Variants in GET1 observed in about 807,000 individuals in gnomAD.
GET1 encodes the protein guided entry of tail-anchored proteins factor 1.
Under a neutral mutation model 22.6 loss-of-function variants are expected in GET1, and 20 were observed. The observed-to-expected ratio is 0.89, with a 90% CI of 0.62 to 1.29. The LOEUF is 1.29. Ranked by LOEUF, GET1 falls within the 50% of genes most tolerant of loss-of-function variation. The probability of loss-of-function intolerance (pLI) is 0.00; values close to 1 mark genes in which losing one functional copy is unlikely to be tolerated. For missense variants in GET1, 209 were observed against 219.9 expected, an observed-to-expected ratio of 0.95 and a Z score of 0.31; for synonymous variants, 92 against 83.8, an observed-to-expected ratio of 1.10 and a Z score of -0.53.
At chr21:39,415,801 TG>T in intron 1 of GET1, among the ~76,000 whole-genome samples, 1 of 152,352 alleles carries the variant, frequency 6.6e-6, no homozygotes, top group Middle Eastern at 3.4e-3. Context: ...ATCGTAGAAA[TG>T]GGGGTATCTG....
chr21:39,420,357 A>G (rs2042074143), intron 1 of GET1, among the ~76,000 whole-genome samples: 1 of 152,070 alleles, frequency 6.6e-6, no homozygotes, highest in Non-Finnish European at 1.5e-5. Context: ...GCCCGTCTCT[A>G]CTAAAAATAA....
chr21:39,408,516 C>T (rs1319170818), downstream of GET1: 3 of 152,356 alleles, frequency 2.0e-5, no homozygotes, highest in South Asian at 2.1e-4. Flanking sequence ...CTCCATTAGA[C>T]CTCCAGGTCC....
chr21:39,398,089 A>G (rs899316622), downstream of GET1, among the ~76,000 whole-genome samples: 2 of 152,170 alleles, frequency 1.3e-5, no homozygotes, highest in African/African-American at 2.4e-5. Flanking sequence ...CACCAAGTTT[A>G]CTTAGCTTTA....
chr21:39,410,371 T>C (rs200052972), downstream of GET1: 142 of 1,500,180 alleles, frequency 9.5e-5, no homozygotes, highest in African/African-American at 1.8e-3. Flanking sequence ...GAAGAAACTA[T>C]GGAACAGGTA....
At chr21:39,412,600 G>GCGCA (rs377607164) in intron 1 of GET1, among the ~76,000 whole-genome samples, 2 of 149,518 alleles carry the variant, frequency 1.3e-5, no homozygotes, top group African/African-American at 4.9e-5. Context: ...ACGTGCATGT[G>GCGCA]CACACACACA....
chr21:39,415,617 A>G (rs2040994757), intron 1 of GET1, among the ~76,000 whole-genome samples: 1 of 152,212 alleles, frequency 6.6e-6, no homozygotes, highest in African/African-American at 2.4e-5. Flanking sequence ...CCTTCACATA[A>G]TCAAATATCC....
intron 2 of GET1, chr21:39,391,530 G>T: frequency 3.3e-5 from 14 of 427,082 alleles, no homozygotes; most frequent in East Asian, 1.5e-4. Flanking sequence ...GTCGTTTTAA[G>T]AGTTTTCAAA....
At chr21:39,427,553 T>A (rs2074960521) in intron 1 of GET1, among the ~76,000 whole-genome samples, 1 of 151,394 alleles carries the variant, frequency 6.6e-6, no homozygotes, top group Non-Finnish European at 1.5e-5. Flanking sequence ...TCCCAGCTAC[T>A]CAGGAGGCTG....
intron 1 of GET1, among the ~76,000 whole-genome samples, chr21:39,382,446 A>G (rs1305479062): frequency 6.6e-6 from 1 of 152,168 alleles, no homozygotes; most frequent in African/African-American, 2.4e-5. Flanking sequence ...GGCAATCACC[A>G]TTGTACTTTC....
intron 1 of GET1, chr21:39,387,740 A>T: frequency 1.0e-6 from 1 of 980,526 alleles, no homozygotes; most frequent in Middle Eastern, 5.2e-4. Flanking sequence ...AGGCGGCATC[A>T]CTGGGCGGGT....
chr21:39,422,678 T>A, intron 1 of GET1: 1 of 472,502 alleles, frequency 2.1e-6, no homozygotes. Context: ...AAAAAGTCCC[T>A]TAGCACTGTA....
intron 1 of GET1, among the ~76,000 whole-genome samples, chr21:39,414,734 C>T (rs1193803006): frequency 1.3e-4 from 13 of 103,272 alleles, no homozygotes; most frequent in Non-Finnish European, 2.2e-4. Context: ...CTCTCTCTCT[C>T]TCTCTCTCTG....
exon 5 of GET1, chr21:39,405,972 G>A: frequency 6.2e-7 from 1 of 1,614,092 alleles, no homozygotes; most frequent in Non-Finnish European, 8.5e-7. Flanking sequence ...AAGCATGGCT[G>A]GTGGAGGCCT....
chr21:39,390,035 AAT>A (rs1258765225), intron 1 of GET1, among the ~76,000 whole-genome samples: 1 of 151,216 alleles, frequency 6.6e-6, no homozygotes, highest in African/African-American at 2.5e-5. Flanking sequence ...TAGCAATTTG[AAT>A]ATGAGTTTTT....
intron 1 of GET1, chr21:39,425,780 G>A (rs2074580829): frequency 6.6e-6 from 1 of 152,394 alleles, no homozygotes; most frequent in Non-Finnish European, 1.5e-5. Flanking sequence ...CTCTGACCCT[G>A]GAGGAGAGGG....
chr21:39,393,570 C>A (rs1405923909), intron 4 of GET1, among the ~76,000 whole-genome samples: 1 of 152,188 alleles, frequency 6.6e-6, no homozygotes, highest in Non-Finnish European at 1.5e-5. Flanking sequence ...AAACACTAGC[C>A]GTAGTTCCAA....
chr21:39,396,700 AAAAAG>A (rs1380152374), intron 4 of GET1, among the ~76,000 whole-genome samples, 161 bp from the exon 5 acceptor site: 6 of 152,010 alleles, frequency 3.9e-5, no homozygotes, highest in Non-Finnish European at 7.4e-5. Context: ...AAAAAAAAAA[AAAAAG>A]AAAGTGACAA....
At chr21:39,408,405 C>T (rs1488515840), downstream of GET1, among the ~76,000 whole-genome samples, 1 of 152,104 alleles carries the variant, frequency 6.6e-6, no homozygotes, top group African/African-American at 2.4e-5. Flanking sequence ...AGAGAAGATC[C>T]AGTAGAGAAG....
At chr21:39,387,738 T>C (rs1601609216) in intron 1 of GET1, 1 of 976,150 alleles carries the variant, frequency 1.0e-6, no homozygotes, top group Non-Finnish European at 1.2e-6. Flanking sequence ...GTAGGCGGCA[T>C]CACTGGGCGG....
Sources: gnomAD v4.1 joint callset for allele counts (sites outside exome capture counted in the v4.1 genomes callset) on GRCh38, gnomAD v4.1.1 for gene constraint, MANE v1.5 for transcripts, NCBI Gene and HGNC (gene_info 2026-07-23, HGNC 2026-07-21) for gene names.